ABCA1: variants seen among roughly 807,000 people sequenced by gnomAD.
The protein encoded by ABCA1 is phospholipid-transporting ATPase ABCA1.
In ABCA1, 133 loss-of-function variants were observed where a neutral mutation model predicts 262.5. The observed-to-expected ratio is 0.51, with a 90% confidence interval of 0.44 to 0.59. The LOEUF (loss-of-function observed/expected upper bound fraction) is 0.59. Among genes scored for constraint, ABCA1 ranks in the 20% least tolerant of loss-of-function variants. ABCA1 has a pLI of 0.00. For synonymous variants in ABCA1, 1,022 were observed against 1,043.5 expected (o/e 0.98, Z 0.40); for missense variants, 2,452 against 2,777.5 (o/e 0.88, Z 2.63).
intron 1 of ABCA1, among the ~76,000 whole-genome samples, chr9:104,910,696 T>C (rs1437990851): frequency 6.6e-6 from 1 of 152,146 alleles, no homozygotes; most frequent in Non-Finnish European, 1.5e-5. Flanking sequence ...TCAATATCTC[T>C]CTTTTTTATT....
At position 104,786,960 on chromosome 9, in the gene ABCA1, C is replaced by T; in HGVS notation, c.6221G>A (p.Gly2074Asp). 1 of 1,613,940 alleles carries T rather than the reference C, an allele frequency of 6.2e-7. No individual in the cohort carries two copies. Among genetic ancestry groups the T allele is most frequent in the Non-Finnish European group, 8.5e-7 (1 of 1,179,970 alleles). ...PVVFLDEPTT[G>D]MDPKARRFLW... ...GAACCGCCGGGCTTTGGGATCCATG[C>T]CTGTGGTGGGTTCATCCTGTAATTA... The change falls in exon 47 of 50, where the codon GGC becomes GAC. Residue 2074 changes from glycine (G) to aspartate (D), a missense_variant. Transcript: ENST00000374736.
intron 9 of ABCA1, among the ~76,000 whole-genome samples, chr9:104,839,550 T>C (rs980496855): frequency 6.6e-6 from 1 of 152,208 alleles, no homozygotes; most frequent in Admixed American, 6.5e-5. Context: ...CTATTATCAT[T>C]ACTGTTATTT....
intron 28 of ABCA1, among the ~76,000 whole-genome samples, chr9:104,811,436 A>G (rs189869044): frequency 6.6e-6 from 1 of 152,110 alleles, no homozygotes; most frequent in African/African-American, 2.4e-5. Flanking sequence ...CTATAATAAA[A>G]CCAACTCTAC....
At chr9:104,862,650 G>C (rs1376734191) in intron 5 of ABCA1, among the ~76,000 whole-genome samples, 61 of 1,344 alleles carry the variant, frequency 0.045, 5 homozygotes, top group East Asian at 0.17. Context: ...GGGCCGGGCC[G>C]GGCCGGGCCG....
intron 5 of ABCA1, among the ~76,000 whole-genome samples, chr9:104,872,360 T>C (rs1837695199): frequency 6.6e-6 from 1 of 152,162 alleles, no homozygotes; most frequent in African/African-American, 2.4e-5. Flanking sequence ...TGCTTCATCG[T>C]GATATTGGCC....
intron 9 of ABCA1, among the ~76,000 whole-genome samples, chr9:104,838,981 G>A (rs1362148268): frequency 6.6e-6 from 1 of 152,052 alleles, no homozygotes; most frequent in African/African-American, 2.4e-5. Flanking sequence ...TGTCTGGAGT[G>A]CTTTACTCCA....
At chr9:104,818,963 A>G in intron 22 of ABCA1, 80 bp from the exon 23 acceptor site, 1 of 1,343,164 alleles carries the variant, frequency 7.4e-7, no homozygotes, top group Middle Eastern at 2.5e-4. Flanking sequence ...GACTAGAGAG[A>G]TATTAGCAGG....
intron 14 of ABCA1, among the ~76,000 whole-genome samples, chr9:104,829,762 T>G (rs1054254964): frequency 6.6e-6 from 1 of 152,196 alleles, no homozygotes; most frequent in Non-Finnish European, 1.5e-5. Flanking sequence ...AAACCTTAGC[T>G]TAGGGGTCTT....
At chr9:104,803,211 C>T (rs1438107995) in intron 33 of ABCA1, 73 bp downstream of exon 33, 1 of 1,535,912 alleles carries the variant, frequency 6.5e-7, no homozygotes, top group Non-Finnish European at 9.0e-7. Context: ...ATCCCCAAGG[C>T]TTTCTTCAAT....
chr9:104,896,581 G>A (rs910577956), intron 2 of ABCA1, among the ~76,000 whole-genome samples: 3 of 151,826 alleles, frequency 2.0e-5, no homozygotes, highest in African/African-American at 7.3e-5. Context: ...GGTAAGTGGG[G>A]GACAATGAGC....
intron 3 of ABCA1, among the ~76,000 whole-genome samples, chr9:104,884,826 AG>A (rs1839010932): frequency 6.6e-6 from 1 of 152,202 alleles, no homozygotes; most frequent in Admixed American, 6.5e-5. Context: ...GGTCCTAAGC[AG>A]AAAGTCCCTG....
At chr9:104,834,654 C>T (rs1833645755) in intron 11 of ABCA1, among the ~76,000 whole-genome samples, 1 of 148,464 alleles carries the variant, frequency 6.7e-6, no homozygotes, top group Non-Finnish European at 1.5e-5. Context: ...TCGTGAGGGG[C>T]AGGAGACCTA....
At chr9:104,837,339 T>C (rs1400383526) in intron 10 of ABCA1, 89 bp downstream of exon 10, 8 of 1,548,788 alleles carry the variant, frequency 5.2e-6, no homozygotes, top group African/African-American at 1.4e-5. Flanking sequence ...TGAGTATACT[T>C]AGCGCACACC....
intron 8 of ABCA1, among the ~76,000 whole-genome samples, chr9:104,844,461 C>A (rs1431055418): frequency 6.6e-6 from 1 of 152,084 alleles, no homozygotes; most frequent in South Asian, 2.1e-4. Flanking sequence ...GGAAGAAATA[C>A]ACTAACGTAT....
chr9:104,885,080 A>G (rs1182242047), intron 3 of ABCA1, among the ~76,000 whole-genome samples: 1 of 152,012 alleles, frequency 6.6e-6, no homozygotes, highest in East Asian at 1.9e-4. Flanking sequence ...TACTAAGCAT[A>G]CAAAAATTCG....
At chr9:104,874,206 A>G (rs959146495) in intron 5 of ABCA1, among the ~76,000 whole-genome samples, 2 of 152,226 alleles carry the variant, frequency 1.3e-5, no homozygotes, top group African/African-American at 4.8e-5. Context: ...AACCCTGGGG[A>G]CTAATTTCCA....
intron 36 of ABCA1, 151 bp downstream of exon 36, chr9:104,799,668 C>A: frequency 6.6e-7 from 1 of 1,515,966 alleles, no homozygotes; most frequent in Non-Finnish European, 8.8e-7. Flanking sequence ...GTAAACTTAT[C>A]ACTTCTGCCC....
At chr9:104,876,332 T>C (rs1251756749) in intron 5 of ABCA1, among the ~76,000 whole-genome samples, 1 of 152,116 alleles carries the variant, frequency 6.6e-6, no homozygotes, top group African/African-American at 2.4e-5. Context: ...TCAGAGGGGA[T>C]GTGAGGACGC....
At chr9:104,861,833 T>C in intron 5 of ABCA1, 33 bp from the exon 6 acceptor site, 3 of 1,541,086 alleles carry the variant, frequency 1.9e-6, no homozygotes, top group Non-Finnish European at 2.6e-6. Context: ...TTTTATTTAG[T>C]AAGTAACTCA....
Sources: allele counts gnomAD v4.1 joint callset (sites outside exome capture counted in the v4.1 genomes callset), GRCh38; gene constraint gnomAD v4.1.1; transcripts MANE v1.5; gene names NCBI Gene and HGNC (gene_info 2026-07-23, HGNC 2026-07-21).